The following DMD variants were observed in gnomAD, a reference collection of about 807,000 sequenced individuals.
DMD encodes dystrophin.
A neutral mutation model predicts 330.1 loss-of-function variants in DMD; 63 were observed. That is an observed-to-expected ratio of 0.19 (90% CI 0.16 to 0.24). The LOEUF is 0.24. DMD is among the 10% of genes least tolerant of loss of function. The pLI, the probability that DMD is intolerant of heterozygous loss-of-function variation, is 1.00. For missense variants in DMD, 3,344 were observed against 2,684.1 expected, an observed-to-expected ratio of 1.25 and a Z score of -5.43; for synonymous variants, 1,223 against 959.8, an observed-to-expected ratio of 1.27 and a Z score of -5.07.
In DMD at chrX:31,801,919, T is replaced by C. The variant is rs35347876; in HGVS notation, c.7309+18056A>G. On this transcript the variant is annotated intron_variant, in intron 50 of 78. Coordinates refer to ENST00000357033, the MANE Select transcript of DMD (RefSeq NM_004006.3). ...GGAGGTAAGGAGCGTCTTTCCTGAG[T>C]ATAACATTTGAGCTGAGACCTGAAA... 7.8e-3 allele frequency among the ~76,000 whole-genome samples: 866 copies of C among 111,141 alleles called. 6 individuals are homozygous for C. The highest frequency in any genetic ancestry group is 0.019 in the East Asian group (66 of 3,512).
At chrX:32,316,338 A>T (rs1337789131) in intron 41 of DMD, among the ~76,000 whole-genome samples, 1 of 112,257 alleles carries the variant, frequency 8.9e-6, no homozygotes, top group Admixed American at 9.5e-5. Context: ...TCTTTCCATT[A>T]TAAAGATAAA....
chrX:31,162,022 A>AAGT (rs200861084), intron 74 of DMD, among the ~76,000 whole-genome samples: 13,906 of 110,366 alleles, frequency 0.13, 1,631 homozygotes, highest in African/African-American at 0.35. Context: ...CTCTCTTTGT[A>AAGT]AAGGCCTCTC....
chrX:32,198,492 T>C (rs2097017198), intron 44 of DMD, among the ~76,000 whole-genome samples: 2 of 111,936 alleles, frequency 1.8e-5, no homozygotes, highest in Non-Finnish European at 3.8e-5. Context: ...AAAACTGATA[T>C]GATGTAAATG....
chrX:31,126,803 GAAAAAAAA>G, intron 77 of DMD, 130 bp from the exon 78 acceptor site: 58 of 259,965 alleles, frequency 2.2e-4, no homozygotes, highest in Middle Eastern at 1.2e-3. Flanking sequence ...TTCTCTGCTG[GAAAAAAAA>G]AAAAAAAAAA....
At chrX:31,898,848 G>C (rs2094384763) in intron 47 of DMD, among the ~76,000 whole-genome samples, 1 of 111,967 alleles carries the variant, frequency 8.9e-6, no homozygotes, top group Non-Finnish European at 1.9e-5. Flanking sequence ...CAGGGGTTTA[G>C]TTTTTATGCA....
chrX:31,738,435 C>CA, intron 51 of DMD, among the ~76,000 whole-genome samples: 1 of 111,873 alleles, frequency 8.9e-6, no homozygotes, highest in Non-Finnish European at 1.9e-5. Flanking sequence ...CCAATGTTGA[C>CA]AAGTATGTGA....
intron 2 of DMD, among the ~76,000 whole-genome samples, chrX:32,954,140 C>T (rs1453667536): frequency 2.7e-5 from 3 of 112,152 alleles, no homozygotes; most frequent in East Asian, 2.8e-4. Context: ...CAATGTTTAT[C>T]GAATTTAAGA....
At chrX:31,383,628 ACCACCCATAGC>A (rs1366618154) in intron 60 of DMD, among the ~76,000 whole-genome samples, 1 of 111,567 alleles carries the variant, frequency 9.0e-6, no homozygotes, top group Non-Finnish European at 1.9e-5. Context: ...CTTTTCCAAA[ACCACCCATAGC>A]CCACCCTGCC....
intron 44 of DMD, among the ~76,000 whole-genome samples, chrX:31,976,652 T>C (rs957360061): frequency 9.0e-6 from 1 of 111,205 alleles, no homozygotes; most frequent in African/African-American, 3.3e-5. Context: ...TGAAGCTGCT[T>C]GTGTTTTCCT....
rs189848820 is a variant in DMD at position 32,274,146 on chromosome X, T to C, written c.6290+13383A>G. 5.4e-4 allele frequency among the ~76,000 whole-genome samples: 60 copies of C among 111,616 alleles called. No homozygotes were observed. The East Asian group carries it at 0.016, about 30-fold the overall frequency. On this transcript the variant is annotated intron_variant, in intron 43 of 78. Transcript: ENST00000357033. Reference sequence around the variant, plus strand: ...TGAGGCTAGTCCTATGGACACAAAATTTCTTTCTGTATTAGAGTCTTTTTC... The same window carrying C: ...TGAGGCTAGTCCTATGGACACAAAACTTCTTTCTGTATTAGAGTCTTTTTC...
At chrX:31,803,355 AT>A (rs1453555750) in intron 50 of DMD, among the ~76,000 whole-genome samples, 5 of 112,607 alleles carry the variant, frequency 4.4e-5, no homozygotes, top group African/African-American at 1.6e-4. Context: ...ATCTGTTACA[AT>A]TGTGATGATA....
intron 63 of DMD, among the ~76,000 whole-genome samples, chrX:31,233,364 C>T (rs975091718): frequency 3.6e-5 from 4 of 112,088 alleles, no homozygotes. Context: ...AGTGAACACA[C>T]ATCCCAGATT....
chrX:32,649,812 G>T (rs1276124756), intron 9 of DMD, among the ~76,000 whole-genome samples: 1 of 110,572 alleles, frequency 9.0e-6, no homozygotes, highest in Non-Finnish European at 1.9e-5. Flanking sequence ...TTTACTATCT[G>T]TCTGATCTTG....
intron 44 of DMD, among the ~76,000 whole-genome samples, chrX:31,971,313 G>T (rs372280595): frequency 1.8e-5 from 2 of 111,823 alleles, no homozygotes; most frequent in African/African-American, 6.5e-5. Context: ...TGGCACTTTT[G>T]CTTCATGGCT....
At chrX:32,530,289 G>C (rs1181934512) in intron 17 of DMD, among the ~76,000 whole-genome samples, 1 of 112,233 alleles carries the variant, frequency 8.9e-6, no homozygotes, top group Non-Finnish European at 1.9e-5. Context: ...AAAAATGTCT[G>C]AGTTATTTGG....
At chrX:32,737,234 G>A (rs976813102) in intron 7 of DMD, among the ~76,000 whole-genome samples, 3 of 110,358 alleles carry the variant, frequency 2.7e-5, no homozygotes, top group African/African-American at 9.9e-5. Flanking sequence ...GTGAATACAT[G>A]TTTCACTTGG....
intron 37 of DMD, among the ~76,000 whole-genome samples, chrX:32,356,006 T>A (rs1159778521): frequency 9.0e-6 from 1 of 110,766 alleles, no homozygotes; most frequent in Non-Finnish European, 1.9e-5. Context: ...TGTTAAGTTA[T>A]AATACGATCA....
chrX:31,620,990 G>C (rs1255044572), intron 55 of DMD, among the ~76,000 whole-genome samples: 4 of 111,456 alleles, frequency 3.6e-5, no homozygotes, highest in Non-Finnish European at 7.5e-5. Flanking sequence ...CTTTAACCCA[G>C]ATCTTTTTCC....
chrX:32,295,929 T>C (rs1037996973), intron 42 of DMD, among the ~76,000 whole-genome samples: 11 of 112,204 alleles, frequency 9.8e-5, no homozygotes, highest in Non-Finnish European at 1.9e-4. Context: ...TTGCAGAACC[T>C]GAAGAGAACT....
Sources: gnomAD v4.1 joint callset for allele counts (sites outside exome capture counted in the v4.1 genomes callset) on GRCh38, gnomAD v4.1.1 for gene constraint, MANE v1.5 for transcripts, NCBI Gene and HGNC (gene_info 2026-07-23, HGNC 2026-07-21) for gene names.